Variants in TRAF7 observed in about 807,000 individuals in gnomAD.
TRAF7 encodes TNF receptor associated factor 7.
A neutral mutation model predicts 89.3 loss-of-function variants in TRAF7; 45 were observed. The ratio of observed to expected loss-of-function variants is 0.50; its 90% CI spans 0.40 to 0.65. TRAF7 has a LOEUF of 0.65. Among genes scored for constraint, TRAF7 ranks in the 30% least tolerant of loss-of-function variants. The pLI is 0.00. For missense variants in TRAF7, 677 were observed against 918.1 expected, an observed-to-expected ratio of 0.74 and a Z score of 3.39; for synonymous variants, 406 against 369.2, an observed-to-expected ratio of 1.10 and a Z score of -1.14.
In TRAF7 at chr16:2,170,499, C is replaced by T. The variant is rs866479151; in HGVS notation, c.232-115C>T. 132 of 725,512 alleles carry T rather than the reference C, an allele frequency of 1.8e-4. No individual in the cohort carries two copies. The African/African-American group carries it at 2.1e-3, about 12-fold the overall frequency. 44.9% of individuals were successfully genotyped at this position (725,512 alleles called of 1,614,324 possible). A position where few individuals can be genotyped will look rare whatever the true frequency, so the allele number is the denominator to read the frequency against. ...GGACGAGGAGAGTACCCGCAGGGAC[C>T]GGGGTGGCCCCAGGGGTGCTGCTGC... On this transcript the variant is annotated intron_variant, in intron 4 of 20. Coordinates refer to ENST00000326181, the MANE Select transcript of TRAF7 (RefSeq NM_032271.3).
intron 4 of TRAF7, among the ~76,000 whole-genome samples, chr16:2,169,648 T>TC (rs1280968194): frequency 6.6e-6 from 1 of 152,180 alleles, no homozygotes; most frequent in Non-Finnish European, 1.5e-5. Context: ...CCGTGCCAGC[T>TC]CCTGCTCTGC....
chr16:2,159,840 G>A lies in TRAF7; in HGVS notation c.-39+3982G>A, dbSNP rs1367078412. Among the ~76,000 whole-genome samples the A allele has an allele frequency of 1.3e-5, 2 of 152,220 alleles. No homozygotes were observed. Among genetic ancestry groups the A allele is most frequent in the Admixed American group, 6.5e-5 (1 of 15,284 alleles). On this transcript the variant is annotated intron_variant, in intron 1 of 20. Coordinates refer to ENST00000326181, the MANE Select transcript of TRAF7 (RefSeq NM_032271.3). This position sits in a 1 kb window ranked among gnomAD's most constrained non-coding sequence, Gnocchi z 6.5. ...GCTGCTTTAAGGCCGGGCCTGGCCC[G>A]AGCAGGGAGCTGCATCTGGAAGCCC...
intron 1 of TRAF7, among the ~76,000 whole-genome samples, chr16:2,157,007 C>A (rs1303462222): frequency 1.3e-5 from 2 of 152,132 alleles, no homozygotes; most frequent in East Asian, 3.9e-4. Context: ...GGAGCCCACC[C>A]TGCTCTTGGG....
chr16:2,169,163 G>C (rs1459226389), intron 4 of TRAF7, among the ~76,000 whole-genome samples: 1 of 152,072 alleles, frequency 6.6e-6, no homozygotes, highest in Admixed American at 6.5e-5. Flanking sequence ...TTTTGAATTA[G>C]TAGAGATGGG....
At position 2,160,814 on chromosome 16, in the gene TRAF7, G is replaced by A. The variant is rs190275925; in HGVS notation, c.-38-3069G>A. ...TCCTGCCCGGCCACCCCCCAGCCTC[G>A]ATGACTGTGGGGTGGGGAAAGAGGC... is the stretch of plus-strand genomic sequence containing the variant. On this transcript the variant is annotated intron_variant, in intron 1 of 20. Transcript: ENST00000326181. 3.3e-5 allele frequency among the ~76,000 whole-genome samples: 5 copies of A among 152,140 alleles called. No individual in the cohort carries two copies. In the East Asian group the frequency reaches 7.8e-4, roughly 24 times the overall value.
chr16:2,160,713 C>G (rs538882158), intron 1 of TRAF7, among the ~76,000 whole-genome samples: 1 of 152,094 alleles, frequency 6.6e-6, no homozygotes, highest in East Asian at 1.9e-4. Flanking sequence ...AACACACCCC[C>G]ACTTCCCCAG....
chr16:2,165,064 G>A (rs1414412936), intron 2 of TRAF7, among the ~76,000 whole-genome samples: 1 of 122,734 alleles, frequency 8.1e-6, no homozygotes, highest in Admixed American at 7.6e-5. Context: ...GCATGCTGAA[G>A]CGTGTGAGTG....
chr16:2,170,769 C>G (rs1229103191), intron 5 of TRAF7, 39 bp downstream of exon 5: 1 of 1,548,348 alleles, frequency 6.5e-7, no homozygotes, highest in Non-Finnish European at 8.8e-7. Flanking sequence ...GCTTCCAGGG[C>G]TGTCACCGCA....
chr16:2,156,404 T>C (rs1472027879), intron 1 of TRAF7, among the ~76,000 whole-genome samples: 1 of 151,724 alleles, frequency 6.6e-6, no homozygotes, highest in Non-Finnish European at 1.5e-5. Context: ...GCGGAACAAC[T>C]CCCCCCATCC....
At chr16:2,173,136 G>A in intron 9 of TRAF7, 46 bp from the exon 10 acceptor site, 1 of 1,551,270 alleles carries the variant, frequency 6.4e-7, no homozygotes, top group Non-Finnish European at 8.8e-7. Flanking sequence ...GGATGGGGAG[G>A]CACCGGCAGG....
Position 2,162,078 on chromosome 16 carries a change from G to A in TRAF7, c.-38-1805G>A, listed in dbSNP as rs558434699. On this transcript the variant is annotated intron_variant, in intron 1 of 20. Coordinates refer to ENST00000326181, the MANE Select transcript of TRAF7 (RefSeq NM_032271.3). This position sits in a 1 kb window ranked among gnomAD's most constrained non-coding sequence, Gnocchi z 5.0. The stretch of plus-strand genomic sequence containing the variant: ...AGGCTTTGGCCAGGCCCCATCTCCC[G>A]AGACCATGGGACGCAAAGATCAGGT... Among the ~76,000 whole-genome samples, 2 of 152,340 alleles carry A rather than the reference G, an allele frequency of 1.3e-5. No homozygotes were observed. Among genetic ancestry groups the A allele is most frequent in the African/African-American group, 4.8e-5 (2 of 41,576 alleles).
chr16:2,173,665 T>G, intron 11 of TRAF7, 111 bp downstream of exon 11: 1 of 1,570,894 alleles, frequency 6.4e-7, no homozygotes, highest in South Asian at 1.1e-5. Context: ...AGGGGTCTTG[T>G]GTGTGGCAGG....
chr16:2,164,128 G>C (rs73498159), intron 2 of TRAF7, 127 bp downstream of exon 2: 16 of 750,342 alleles, frequency 2.1e-5, no homozygotes, highest in African/African-American at 2.1e-4. Flanking sequence ...GAGCTCGGTG[G>C]GGGGGGGTGT....
At position 2,171,546 on chromosome 16, in the gene TRAF7, C is replaced by T. The variant is rs747848615; in HGVS notation, c.442-26C>T. On this transcript the variant is annotated intron_variant, in intron 6 of 20. Coordinates refer to ENST00000326181, the MANE Select transcript of TRAF7 (RefSeq NM_032271.3). Reference sequence around the variant, plus strand: ...GGGAAAAAGAGGACCCTGCGCCACCCTCAAGCCCGCCCTTTGCCTCCACAG... The same window carrying T: ...GGGAAAAAGAGGACCCTGCGCCACCTTCAAGCCCGCCCTTTGCCTCCACAG... 10 of 1,613,202 alleles carry T rather than the reference C, an allele frequency of 6.2e-6. No homozygotes were observed. The South Asian group carries it at 9.9e-5, about 16-fold the overall frequency.
intron 1 of TRAF7, among the ~76,000 whole-genome samples, chr16:2,157,410 T>TA (rs1179992158): frequency 3.3e-5 from 5 of 152,142 alleles, no homozygotes; most frequent in Admixed American, 6.5e-5. Context: ...GGCCAAGTGT[T>TA]ACGATATTTC....
Position 2,173,558 on chromosome 16 carries a change from AGCGGGCGGG to A in TRAF7, c.1086+7_1086+15del, listed in dbSNP as rs2093122449. 6.2e-7 allele frequency: 1 copy of A among 1,612,156 alleles called. No individual in the cohort carries two copies. The highest frequency in any genetic ancestry group is 8.5e-7 in the Non-Finnish European group (1 of 1,179,192). Reference sequence around the variant, plus strand: ...GCGGGACGCATCCATGTTAAATGTGAGCGGGCGGGGCTGGAGGGGCTGGGTTGTGAGACC... The same window carrying A: ...GCGGGACGCATCCATGTTAAATGTGAGCTGGAGGGGCTGGGTTGTGAGACC... On this transcript the variant is annotated splice_donor_5th_base_variant and intron_variant, in intron 11 of 20. Transcript: ENST00000326181.
chr16:2,175,375 C>T lies in TRAF7; in HGVS notation c.1461C>T (p.Ser487=). 1.2e-6 allele frequency: 2 copies of T among 1,613,648 alleles called. No individual in the cohort carries two copies. The highest frequency in any genetic ancestry group is 2.2e-5 in the East Asian group (1 of 44,880). ...AHDNPVCTLV[S]SHNVLFSGSL... is the part of the protein sequence containing the mutation. Reference sequence around the variant, plus strand: ...ACAACCCGGTGTGCACGCTGGTCTCCTCACACAACGTGCTCTTCAGCGGCT... The same window carrying T: ...ACAACCCGGTGTGCACGCTGGTCTCTTCACACAACGTGCTCTTCAGCGGCT... Residue 487 remains serine (S), a synonymous_variant, in exon 16 of 21, where the codon TCC becomes TCT. Transcript: ENST00000326181.
At position 2,162,344 on chromosome 16, in the gene TRAF7, G is replaced by A. The variant is rs1004691325; in HGVS notation, c.-38-1539G>A. Among the ~76,000 whole-genome samples, 3 of 151,924 alleles carry A rather than the reference G, an allele frequency of 2.0e-5. No homozygotes were observed. ...GCCCCTCCCTGCACACCTGTAGGCC[G>A]GGCTGGGGGGCCCCAGGCCAGACTG... On this transcript the variant is annotated intron_variant, in intron 1 of 20. Coordinates refer to ENST00000326181, the MANE Select transcript of TRAF7 (RefSeq NM_032271.3). The surrounding 1 kb of genome is among the most constrained non-coding windows in gnomAD (Gnocchi z 5.0).
chr16:2,173,857 G>GCGGGGCCCCC, intron 12 of TRAF7, 21 bp downstream of exon 12: 1 of 1,607,490 alleles, frequency 6.2e-7, no homozygotes, highest in Non-Finnish European at 8.5e-7. Flanking sequence ...ACCCGCCGTG[G>GCGGGGCCCCC]CTCCCGCCCA....
Sources: allele counts gnomAD v4.1 joint callset (sites outside exome capture counted in the v4.1 genomes callset), GRCh38; gene constraint gnomAD v4.1.1; non-coding constraint Gnocchi (gnomAD v3.1); transcripts MANE v1.5; gene names NCBI Gene and HGNC (gene_info 2026-07-23, HGNC 2026-07-21).